FAM184B: variants seen among roughly 807,000 people sequenced by gnomAD.
The protein encoded by FAM184B is family with sequence similarity 184 member B, also known as protein FAM184B.
A neutral mutation model predicts 135.9 loss-of-function variants in FAM184B; 111 were observed. The observed-to-expected ratio is 0.82, with a 90% CI of 0.70 to 0.96. The LOEUF is 0.96. Among genes scored for constraint, FAM184B ranks in the 40% least tolerant of loss-of-function variants. FAM184B has a pLI of 0.00. For missense variants in FAM184B, 1,375 were observed against 1,323.9 expected, an observed-to-expected ratio of 1.04 and a Z score of -0.60; for synonymous variants, 552 against 524.8, an observed-to-expected ratio of 1.05 and a Z score of -0.71.
At chr4:17,711,853 C>A (rs1206027827) in intron 1 of FAM184B, among the ~76,000 whole-genome samples, 1 of 152,130 alleles carries the variant, frequency 6.6e-6, no homozygotes, top group Non-Finnish European at 1.5e-5. Context: ...GAGCTCTCAC[C>A]TTGTAGACAT....
At position 17,639,407 on chromosome 4, in the gene FAM184B, T is replaced by G; in HGVS notation, c.2520-11A>C. 2 of 1,551,242 alleles carry G rather than the reference T, an allele frequency of 1.3e-6. No individual in the cohort carries two copies. The highest frequency in any genetic ancestry group is 1.4e-5 in the African/African-American group (1 of 73,142). ...GTCTCCTCCAGGAACCTGTGGTGGATGAAAGCACAGCCAGGCTTGCCCAGC... is the reference window on the plus strand; with the variant it reads ...GTCTCCTCCAGGAACCTGTGGTGGAGGAAAGCACAGCCAGGCTTGCCCAGC... On this transcript the variant is annotated splice_polypyrimidine_tract_variant and intron_variant, in intron 13 of 17. Transcript: ENST00000265018.
At chr4:17,746,325 G>A (rs565105569) in intron 1 of FAM184B, among the ~76,000 whole-genome samples, 5 of 152,240 alleles carry the variant, frequency 3.3e-5, no homozygotes, top group Admixed American at 2.6e-4. Flanking sequence ...GCAAGATTTC[G>A]TGAAGGACTG....
At chr4:17,752,595 G>T (rs773377791) in intron 1 of FAM184B, among the ~76,000 whole-genome samples, 2 of 152,136 alleles carry the variant, frequency 1.3e-5, no homozygotes, top group Admixed American at 1.3e-4. Flanking sequence ...TTCATGGACC[G>T]TGAGGGCAGA....
At chr4:17,767,197 C>T (rs1718719447) in intron 1 of FAM184B, among the ~76,000 whole-genome samples, 4 of 152,194 alleles carry the variant, frequency 2.6e-5, no homozygotes, top group Admixed American at 2.6e-4. Flanking sequence ...CCCTGCACAC[C>T]TCGTGGCAAG....
intron 11 of FAM184B, among the ~76,000 whole-genome samples, chr4:17,648,024 C>A (rs1001803074): frequency 1.3e-5 from 2 of 152,108 alleles, no homozygotes; most frequent in African/African-American, 4.8e-5. Flanking sequence ...ATCCCCCACC[C>A]CCGCTTCATT....
intron 1 of FAM184B, among the ~76,000 whole-genome samples, chr4:17,768,675 G>A (rs539797569): frequency 5.9e-5 from 9 of 152,092 alleles, no homozygotes; most frequent in South Asian, 2.1e-4. Flanking sequence ...AAATGACGTC[G>A]AATAAGAGGA....
chr4:17,766,404 T>A (rs915565001), intron 1 of FAM184B, among the ~76,000 whole-genome samples: 2 of 152,156 alleles, frequency 1.3e-5, no homozygotes, highest in African/African-American at 4.8e-5. Context: ...GTATTTATAA[T>A]CCCTTAGCTA....
intron 10 of FAM184B, among the ~76,000 whole-genome samples, chr4:17,654,487 G>A (rs1196196628): frequency 4.6e-5 from 7 of 152,082 alleles, no homozygotes; most frequent in Admixed American, 6.6e-5. Context: ...CCCAGCACCC[G>A]CCCCTGCTGC....
At chr4:17,656,586 G>T (rs1248390851) in intron 10 of FAM184B, among the ~76,000 whole-genome samples, 1 of 152,120 alleles carries the variant, frequency 6.6e-6, no homozygotes, top group South Asian at 2.1e-4. Context: ...ATTTTTAGTA[G>T]CAATGGGATT....
intron 1 of FAM184B, among the ~76,000 whole-genome samples, chr4:17,778,087 A>AG (rs956667624): frequency 1.3e-5 from 2 of 152,106 alleles, no homozygotes; most frequent in South Asian, 2.1e-4. Context: ...AAAAAAAAAA[A>AG]GTACCTCCTC....
At chr4:17,742,340 G>C (rs1718065823) in intron 1 of FAM184B, among the ~76,000 whole-genome samples, 2 of 151,732 alleles carry the variant, frequency 1.3e-5, no homozygotes, top group African/African-American at 4.8e-5. Context: ...AGGCTGAGGT[G>C]AGAGGATTGC....
chr4:17,668,540 G>A (rs1298666329), intron 7 of FAM184B, among the ~76,000 whole-genome samples: 3 of 151,856 alleles, frequency 2.0e-5, no homozygotes, highest in South Asian at 2.1e-4. Context: ...GTTGTTTTTT[G>A]TTTTGTTTTT....
intron 3 of FAM184B, among the ~76,000 whole-genome samples, 152 bp downstream of exon 3, chr4:17,707,497 T>C (rs1717145222): frequency 6.6e-6 from 1 of 152,164 alleles, no homozygotes; most frequent in Non-Finnish European, 1.5e-5. Flanking sequence ...ACCTGTACCC[T>C]GCAGGGATTG....
At chr4:17,766,254 T>G (rs13110646) in intron 1 of FAM184B, among the ~76,000 whole-genome samples, 26,668 of 152,238 alleles carry the variant, frequency 0.18, 2,943 homozygotes, top group South Asian at 0.26. Context: ...TTGGTCCGTT[T>G]TGACAGGGTG....
intron 1 of FAM184B, among the ~76,000 whole-genome samples, chr4:17,779,571 G>A (rs1471092463): frequency 6.6e-6 from 1 of 152,160 alleles, no homozygotes; most frequent in African/African-American, 2.4e-5. Flanking sequence ...ATCTGTTTAT[G>A]TGTTTGTCAT....
At position 17,647,458 on chromosome 4, in the gene FAM184B, C is replaced by T. The variant is rs557532809; in HGVS notation, c.2346+179G>A. Among the ~76,000 whole-genome samples, 155 of 152,158 alleles carry T rather than the reference C, an allele frequency of 1.0e-3. 3 individuals are homozygous for T. The highest frequency in any genetic ancestry group is 0.01 in the Admixed American group (155 of 15,268). On this transcript the variant is annotated intron_variant, in intron 12 of 17. Transcript: ENST00000265018. ...AGAGATATAGTCTTGCTATGTTGCC[C>T]TGGCTGGTCTTGAAATCCTGGCCTC...
In FAM184B at chr4:17,744,965, C is replaced by T. The variant is rs554961789; in HGVS notation, c.142-35321G>A. On this transcript the variant is annotated intron_variant, in intron 1 of 17. Transcript: ENST00000265018. ...GACGCATGTCAGGTAAGCAGATGCA[C>T]AGAGCCACTGGGACCTCTTCAGCCG... Among the ~76,000 whole-genome samples, 109 of 152,144 alleles carry T rather than the reference C, an allele frequency of 7.2e-4. 2 individuals are homozygous for T. Among genetic ancestry groups the T allele is most frequent in the Non-Finnish European group, 1.2e-3 (81 of 68,020 alleles).
chr4:17,707,339 G>C (rs1417646346), intron 3 of FAM184B, among the ~76,000 whole-genome samples: 1 of 152,212 alleles, frequency 6.6e-6, no homozygotes, highest in Non-Finnish European at 1.5e-5. Flanking sequence ...GTAAGTGGTG[G>C]GGGGTGAAGT....
At chr4:17,714,611 GT>G (rs1158317144) in intron 1 of FAM184B, among the ~76,000 whole-genome samples, 1 of 152,156 alleles carries the variant, frequency 6.6e-6, no homozygotes, top group Non-Finnish European at 1.5e-5. Context: ...CTAACTCCAG[GT>G]TTAACCATTC....
Sources: gnomAD v4.1 joint callset for allele counts (sites outside exome capture counted in the v4.1 genomes callset) on GRCh38, gnomAD v4.1.1 for gene constraint, MANE v1.5 for transcripts, NCBI Gene and HGNC (gene_info 2026-07-23, HGNC 2026-07-21) for gene names.